The following CARMIL3 variants were observed in gnomAD, a reference collection of about 807,000 sequenced individuals.
CARMIL3 encodes the protein capping protein, Arp2/3 and myosin-I linker protein 3.
In CARMIL3, 88 loss-of-function variants were observed where a neutral mutation model predicts 180.8. The observed-to-expected ratio is 0.49, with a 90% CI of 0.41 to 0.58. The LOEUF (loss-of-function observed/expected upper bound fraction) is 0.58, where lower values mean the gene tolerates loss of function less well. Among genes scored for constraint, CARMIL3 ranks in the 20% least tolerant of loss-of-function variants. The probability of loss-of-function intolerance (pLI) is 0.00; values close to 1 mark genes in which losing one functional copy is unlikely to be tolerated. For synonymous variants in CARMIL3, 696 were observed against 714.5 expected (o/e 0.97, Z 0.41); for missense variants, 1,548 against 1,787.0 (o/e 0.87, Z 2.41).
chr14:24,062,403 TG>T, intron 27 of CARMIL3, 76 bp from the exon 28 acceptor site: 1 of 1,324,974 alleles, frequency 7.5e-7, no homozygotes, highest in Non-Finnish European at 1.1e-6. Context: ...CTCAGGCTTC[TG>T]GGAGAGGGAG....
chr14:24,067,635 G>A (rs1039029262), intron 36 of CARMIL3, among the ~76,000 whole-genome samples: 1 of 152,276 alleles, frequency 6.6e-6, no homozygotes, highest in African/African-American at 2.4e-5. Flanking sequence ...GGCCAACCCA[G>A]CACTGGGGGC....
intron 32 of CARMIL3, among the ~76,000 whole-genome samples, 183 bp downstream of exon 32, chr14:24,064,529 T>C (rs1417985521): frequency 6.6e-6 from 1 of 152,146 alleles, no homozygotes; most frequent in Non-Finnish European, 1.5e-5. Context: ...CTCTGCGTCT[T>C]CCCAGGACAG....
rs749558494 is a variant in CARMIL3 at position 24,063,117 on chromosome 14, C to T, written c.2707-3C>T. 1.9e-5 allele frequency: 30 copies of T among 1,612,062 alleles called. No individual in the cohort carries two copies. In the South Asian group the frequency reaches 3.0e-4, roughly 16 times the overall value. ...GCCCTGCCACTCGTCTTCATTTCTG[C>T]AGGACACCATGGCCATCAAAAAGCA... On this transcript the variant is annotated splice_polypyrimidine_tract_variant and splice_region_variant and intron_variant, in intron 29 of 39. Transcript: ENST00000342740.
At position 24,057,775 on chromosome 14, in the gene CARMIL3, C is replaced by T. The variant is rs1375384036; in HGVS notation, c.1141-28C>T. 2.5e-6 allele frequency: 4 copies of T among 1,599,100 alleles called. No homozygotes were observed. In the South Asian group the frequency reaches 3.4e-5, roughly 13 times the overall value. The stretch of plus-strand genomic sequence containing the variant: ...CACCCCCTACCCCCTTCCAGCTCCC[C>T]TGAGACCCACCATATCTCCCCCCAC... On this transcript the variant is annotated intron_variant, in intron 14 of 39. Coordinates refer to ENST00000342740, the MANE Select transcript of CARMIL3 (RefSeq NM_138360.4).
At chr14:24,066,889 G>A (rs981429829) in intron 36 of CARMIL3, among the ~76,000 whole-genome samples, 24 of 152,238 alleles carry the variant, frequency 1.6e-4, no homozygotes, top group African/African-American at 5.3e-4. Flanking sequence ...TGGCAAACAG[G>A]AGCGATGCTT....
intron 33 of CARMIL3, 65 bp from the exon 34 acceptor site, chr14:24,065,557 T>G: frequency 1.3e-6 from 2 of 1,539,602 alleles, no homozygotes; most frequent in Middle Eastern, 1.8e-4. Context: ...TCCTGACAAC[T>G]CCCTCACAGC....
intron 10 of CARMIL3, 49 bp downstream of exon 10, chr14:24,055,838 T>C: frequency 6.5e-7 from 1 of 1,544,062 alleles, no homozygotes; most frequent in Non-Finnish European, 8.9e-7. Flanking sequence ...GATGTAGTTT[T>C]AGGGTCCCAG....
At chr14:24,063,557 A>G (rs755107342) in intron 31 of CARMIL3, 24 bp downstream of exon 31, 6 of 1,583,582 alleles carry the variant, frequency 3.8e-6, no homozygotes, top group Non-Finnish European at 5.1e-6. Flanking sequence ...GCTTCACAAG[A>G]GGATCCCCTT....
intron 34 of CARMIL3, 28 bp from the exon 35 acceptor site, chr14:24,066,370 C>T: frequency 1.2e-6 from 2 of 1,611,678 alleles, no homozygotes; most frequent in Non-Finnish European, 1.7e-6. Context: ...AGGAGACTTT[C>T]TTACAACCTG....
At chr14:24,052,352 C>T (rs1340937419) in intron 1 of CARMIL3, among the ~76,000 whole-genome samples, 159 bp downstream of exon 1, 2 of 152,206 alleles carry the variant, frequency 1.3e-5, no homozygotes, top group Admixed American at 1.3e-4. Context: ...GCATCGCTGT[C>T]CCCGGAGCAT....
chr14:24,055,860 A>T, intron 10 of CARMIL3, 71 bp downstream of exon 10: 1 of 1,371,766 alleles, frequency 7.3e-7, no homozygotes, highest in Non-Finnish European at 1.0e-6. Flanking sequence ...ACCTCAGAGC[A>T]TGATGCAGGC....
At chr14:24,064,187 A>G in intron 31 of CARMIL3, 59 bp from the exon 32 acceptor site, 1 of 1,168,492 alleles carries the variant, frequency 8.6e-7, no homozygotes, top group Non-Finnish European at 1.3e-6. Context: ...CTCTGAGTGG[A>G]TGGGAGGTGG....
intron 36 of CARMIL3, among the ~76,000 whole-genome samples, chr14:24,067,656 A>AT (rs1183046394): frequency 6.6e-6 from 1 of 152,164 alleles, no homozygotes; most frequent in Non-Finnish European, 1.5e-5. Flanking sequence ...ATCTTTGCTG[A>AT]TTTTTTCCAT....
At chr14:24,060,799 C>T (rs1330899339) in intron 25 of CARMIL3, 43 bp downstream of exon 25, 1 of 1,598,768 alleles carries the variant, frequency 6.3e-7, no homozygotes, top group Non-Finnish European at 8.5e-7. Flanking sequence ...GTCTGGAGAA[C>T]CCAAGAAGGC....
At position 24,061,825 on chromosome 14, in the gene CARMIL3, G is replaced by A. The variant is rs1319505506; in HGVS notation, c.2480+153G>A. 1.1e-6 allele frequency: 1 copy of A among 914,374 alleles called. No homozygotes were observed. Among genetic ancestry groups the A allele is most frequent in the Admixed American group, 3.0e-5 (1 of 33,450 alleles). 56.6% of individuals were successfully genotyped at this position (914,374 alleles called of 1,614,324 possible). A position where few individuals can be genotyped will look rare whatever the true frequency, so the allele number is the denominator to read the frequency against. On this transcript the variant is annotated intron_variant, in intron 27 of 39. Coordinates refer to ENST00000342740, the MANE Select transcript of CARMIL3 (RefSeq NM_138360.4). This position sits in a 1 kb window ranked among gnomAD's most constrained non-coding sequence, Gnocchi z 4.1. Reference sequence around the variant, plus strand: ...ACCAAGTGCAACCTTGCTATTTAGGGTCTGGCTGGTCTTTGCCCTAGAAAT... The same window carrying A: ...ACCAAGTGCAACCTTGCTATTTAGGATCTGGCTGGTCTTTGCCCTAGAAAT...
chr14:24,061,159 GAGACC>G lies in CARMIL3; in HGVS notation c.2304+121_2304+125del. 1.2e-6 allele frequency: 1 copy of G among 853,714 alleles called. No individual in the cohort carries two copies. 52.9% of individuals were successfully genotyped at this position (853,714 alleles called of 1,614,324 possible). On this transcript the variant is annotated intron_variant, in intron 26 of 39. Coordinates refer to ENST00000342740, the MANE Select transcript of CARMIL3 (RefSeq NM_138360.4). The surrounding 1 kb of genome is among the most constrained non-coding windows in gnomAD (Gnocchi z 4.1). ...GAGGGCCAGGAGGACATGCAGAGTT[GAGACC>G]ACCCACGCTCCCACTGTACCAAGGC...
In CARMIL3 at chr14:24,058,855, G is replaced by A. The variant is rs1479600349; in HGVS notation, c.1475-35G>A. The A allele has an allele frequency of 1.2e-6, 2 of 1,613,464 alleles. No homozygotes were observed. Among genetic ancestry groups the A allele is most frequent in the South Asian group, 2.2e-5 (2 of 91,068 alleles). On this transcript the variant is annotated intron_variant, in intron 18 of 39. Coordinates refer to ENST00000342740, the MANE Select transcript of CARMIL3 (RefSeq NM_138360.4). The surrounding 1 kb of genome is among the most constrained non-coding windows in gnomAD (Gnocchi z 6.4). ...CTGATGGGACACCAGTCAGCCTCAG[G>A]CCTCCAGGCCAGGCCTCTCCCATCT... is the stretch of plus-strand genomic sequence containing the variant.
intron 27 of CARMIL3, 63 bp from the exon 28 acceptor site, chr14:24,062,417 C>A: frequency 1.4e-6 from 2 of 1,416,592 alleles, no homozygotes; most frequent in Non-Finnish European, 2.0e-6. Flanking sequence ...AGAGGGAGTG[C>A]CTCAGGGGCC....
chr14:24,064,447 C>A, intron 32 of CARMIL3, 101 bp downstream of exon 32: 1 of 838,318 alleles, frequency 1.2e-6, no homozygotes, highest in Non-Finnish European at 2.0e-6. Flanking sequence ...AACAGCAGTG[C>A]CCAAAGCCAG....
Sources: allele counts gnomAD v4.1 joint callset (sites outside exome capture counted in the v4.1 genomes callset), GRCh38; gene constraint gnomAD v4.1.1; non-coding constraint Gnocchi (gnomAD v3.1); transcripts MANE v1.5; gene names NCBI Gene and HGNC (gene_info 2026-07-23, HGNC 2026-07-21).